Variants in SMAP2 observed in about 807,000 individuals in gnomAD.
The protein encoded by SMAP2 is small ArfGAP2.
A neutral mutation model predicts 56.4 loss-of-function variants in SMAP2; 25 were observed. The ratio of observed to expected loss-of-function variants is 0.44; its 90% CI spans 0.32 to 0.62. SMAP2 has a LOEUF of 0.62. SMAP2 is among the 20% of genes least tolerant of loss of function. SMAP2 has a pLI of 0.04. For missense variants in SMAP2, 388 were observed against 545.6 expected, an observed-to-expected ratio of 0.71 and a Z score of 2.88; for synonymous variants, 157 against 181.7, an observed-to-expected ratio of 0.86 and a Z score of 1.09.
chr1:40,394,084 C>G (rs1382529075), intron 1 of SMAP2, among the ~76,000 whole-genome samples: 3 of 152,112 alleles, frequency 2.0e-5, no homozygotes, highest in African/African-American at 7.2e-5. Flanking sequence ...CATTCATATG[C>G]TTGTTTTCAA....
At chr1:40,355,169 A>G (rs1349555623) in intron 1 of SMAP2, among the ~76,000 whole-genome samples, 1 of 152,092 alleles carries the variant, frequency 6.6e-6, no homozygotes, top group Non-Finnish European at 1.5e-5. Flanking sequence ...CATTAAAATT[A>G]ATGGCCATTA....
At chr1:40,350,478 G>A (rs1284936284) in intron 1 of SMAP2, among the ~76,000 whole-genome samples, 1 of 152,210 alleles carries the variant, frequency 6.6e-6, no homozygotes, top group Non-Finnish European at 1.5e-5. Context: ...AAGAGGGTGG[G>A]CTGGCAACGA....
intron 5 of SMAP2, among the ~76,000 whole-genome samples, chr1:40,413,313 C>A (rs556586152): frequency 4.6e-5 from 7 of 152,240 alleles, no homozygotes; most frequent in Admixed American, 1.3e-4. Flanking sequence ...CGCTTTGGGG[C>A]CAGATGAGAA....
At chr1:40,396,165 A>G (rs1387057863) in intron 1 of SMAP2, among the ~76,000 whole-genome samples, 1 of 152,160 alleles carries the variant, frequency 6.6e-6, no homozygotes, top group Non-Finnish European at 1.5e-5. Context: ...ACTTTGATAT[A>G]TTATATAAGT....
chr1:40,373,972 G>GGGC lies in SMAP2; in HGVS notation c.-147_-145dup. The GGGC allele has an allele frequency of 1.6e-6, 1 of 606,140 alleles. No homozygotes were observed. Among genetic ancestry groups the GGGC allele is most frequent in the South Asian group, 2.0e-5 (1 of 50,234 alleles). 37.5% of individuals were successfully genotyped at this position (606,140 alleles called of 1,614,324 possible). A position where few individuals can be genotyped will look rare whatever the true frequency, so the allele number is the denominator to read the frequency against. The stretch of plus-strand genomic sequence containing the variant: ...GGACGGACGCCCCCGACCCGGGAAG[G>GGGC]GGCGTCCGGCGGGGCCGGAGGAGAG... On this transcript the variant is annotated 5_prime_UTR_variant, in exon 1 of 10. Transcript: ENST00000372718.
chr1:40,390,236 A>C (rs1448529212), intron 1 of SMAP2, among the ~76,000 whole-genome samples: 1 of 152,186 alleles, frequency 6.6e-6, no homozygotes, highest in Non-Finnish European at 1.5e-5. Context: ...GTTTGTTTAG[A>C]ACTGAAAGCT....
chr1:40,406,534 T>C lies in SMAP2; in HGVS notation c.104-202T>C, dbSNP rs954763474. On this transcript the variant is annotated intron_variant, in intron 1 of 9. Coordinates refer to ENST00000372718, the MANE Select transcript of SMAP2 (RefSeq NM_022733.3). ...ATCATTGCACAACTGTGTGAATATA[T>C]TAAAAACCACTGTATTGTACACTTA... Among the ~76,000 whole-genome samples, 14 of 152,302 alleles carry C rather than the reference T, an allele frequency of 9.2e-5. 1 individual carries two copies. The highest frequency in any genetic ancestry group is 5.8e-4 in the East Asian group (3 of 5,192).
At chr1:40,393,832 A>C (rs985720551) in intron 1 of SMAP2, among the ~76,000 whole-genome samples, 4 of 152,118 alleles carry the variant, frequency 2.6e-5, no homozygotes, top group Non-Finnish European at 5.9e-5. Context: ...GGCGTGAGGC[A>C]CCGCGCCCGG....
At chr1:40,383,008 GC>G (rs1644613643) in intron 1 of SMAP2, among the ~76,000 whole-genome samples, 1 of 152,188 alleles carries the variant, frequency 6.6e-6, no homozygotes, top group African/African-American at 2.4e-5. Context: ...TGTTTGGAAG[GC>G]CCTATGTCAG....
intron 1 of SMAP2, among the ~76,000 whole-genome samples, chr1:40,395,764 A>G (rs1644764897): frequency 1.3e-5 from 2 of 152,214 alleles, no homozygotes; most frequent in African/African-American, 2.4e-5. Flanking sequence ...AACATGAGAA[A>G]GATGAAGAAT....
intron 1 of SMAP2, among the ~76,000 whole-genome samples, chr1:40,361,866 C>T (rs1315242716): frequency 6.6e-6 from 1 of 152,172 alleles, no homozygotes; most frequent in African/African-American, 2.4e-5. Flanking sequence ...CTTGATTGTG[C>T]TGTCATTTTT....
intron 1 of SMAP2, among the ~76,000 whole-genome samples, chr1:40,400,822 T>C (rs1644826011): frequency 1.4e-3 from 3 of 2,156 alleles, no homozygotes; most frequent in Non-Finnish European, 2.5e-3. Context: ...ATTATTCTGG[T>C]GGTGGGATTC....
rs376060827 is a variant in SMAP2 at position 40,415,412 on chromosome 1, A to G, written c.681+31A>G. 8.3e-5 allele frequency: 114 copies of G among 1,367,508 alleles called. 2 individuals are homozygous for G. In the East Asian group the frequency reaches 9.4e-4, roughly 11 times the overall value. 84.7% of individuals were successfully genotyped at this position (1,367,508 alleles called of 1,614,324 possible). ...TCTTGTGGGCTCCTCAGGATTAAAGAACATTCTGAAATGGGTGATTTTGAT... is the reference window on the plus strand; with the variant it reads ...TCTTGTGGGCTCCTCAGGATTAAAGGACATTCTGAAATGGGTGATTTTGAT... On this transcript the variant is annotated intron_variant, in intron 7 of 9. Transcript: ENST00000372718.
intron 1 of SMAP2, among the ~76,000 whole-genome samples, chr1:40,348,698 A>C (rs576624164): frequency 6.6e-6 from 1 of 152,242 alleles, no homozygotes; most frequent in South Asian, 2.1e-4. Flanking sequence ...AAAATTAATA[A>C]ACTTATGAAA....
chr1:40,380,588 G>C (rs1199700023), intron 1 of SMAP2, among the ~76,000 whole-genome samples: 1 of 149,470 alleles, frequency 6.7e-6, no homozygotes, highest in Non-Finnish European at 1.5e-5. Context: ...GGAGTGCAGT[G>C]GTGTGGTCTT....
In SMAP2 at chr1:40,422,355, G is replaced by T; in HGVS notation, c.*254G>T. The T allele has an allele frequency of 2.3e-6, 1 of 440,746 alleles. No individual in the cohort carries two copies. Among genetic ancestry groups the T allele is most frequent in the East Asian group, 4.4e-5 (1 of 22,500 alleles). The allele number at this position is 440,746 out of a possible 1,614,324, so 27.3% of individuals were successfully genotyped here. On this transcript the variant is annotated 3_prime_UTR_variant, in exon 10 of 10. Transcript: ENST00000372718. Reference sequence around the variant, plus strand: ...CTCTCCTGGCACCAGCACCTTAGAAGTTGTTGGCAGAAGGCACTTAAACTG... The same window carrying T: ...CTCTCCTGGCACCAGCACCTTAGAATTTGTTGGCAGAAGGCACTTAAACTG...
At chr1:40,419,727 A>G (rs1445378435) in intron 9 of SMAP2, among the ~76,000 whole-genome samples, 1 of 152,256 alleles carries the variant, frequency 6.6e-6, no homozygotes, top group Non-Finnish European at 1.5e-5. Context: ...CAAATTGGCT[A>G]ACAAAGCAAC....
At chr1:40,389,354 G>A (rs893419319) in intron 1 of SMAP2, among the ~76,000 whole-genome samples, 1 of 152,108 alleles carries the variant, frequency 6.6e-6, no homozygotes, top group African/African-American at 2.4e-5. Flanking sequence ...TGAGGACAGG[G>A]ACTGTGTTTT....
rs1294208161 is a variant in SMAP2 at position 40,409,787 on chromosome 1, T to C, written c.354T>C (p.Tyr118=). ...TTGAAGGATTTATTCGAGACAAATA[T>C]GAGAAGAAGAAATACATGGACCGAA... ...PAVEGFIRDK[Y]EKKKYMDRSL... Residue 118 remains tyrosine, a synonymous_variant, in exon 4 of 10, where the codon TAT becomes TAC. Transcript: ENST00000372718. 6 of 1,613,342 alleles carry C rather than the reference T, an allele frequency of 3.7e-6. No individual in the cohort carries two copies. In the African/African-American group the frequency reaches 6.7e-5, roughly 18 times the overall value.
Sources: gnomAD v4.1 joint callset for allele counts (sites outside exome capture counted in the v4.1 genomes callset) on GRCh38, gnomAD v4.1.1 for gene constraint, MANE v1.5 for transcripts, NCBI Gene and HGNC (gene_info 2026-07-23, HGNC 2026-07-21) for gene names.